The following TBX6 variants were observed in gnomAD, a reference collection of about 807,000 sequenced individuals.
The protein encoded by TBX6 is T-box transcription factor TBX6.
A neutral mutation model predicts 42.3 loss-of-function variants in TBX6; 29 were observed. The ratio of observed to expected loss-of-function variants is 0.69; its 90% CI spans 0.51 to 0.93. The LOEUF (loss-of-function observed/expected upper bound fraction) is 0.93, where lower values mean the gene tolerates loss of function less well. Ranked by LOEUF, TBX6 falls within the 40% of genes least tolerant of loss-of-function variation. The pLI is 0.00. For synonymous variants in TBX6, 249 were observed against 245.1 expected (o/e 1.02, Z -0.15); for missense variants, 569 against 603.3 (o/e 0.94, Z 0.59).
intron 3 of TBX6, among the ~76,000 whole-genome samples, chr16:30,090,201 G>A (rs1480669748): frequency 6.6e-6 from 1 of 152,050 alleles, no homozygotes; most frequent in African/African-American, 2.4e-5. Flanking sequence ...AGATGAATTT[G>A]CTTTAGAAAA....
In TBX6 at chr16:30,089,053, G is replaced by A. The variant is rs776273220; in HGVS notation, c.511C>T (p.Arg171Cys). The A allele has an allele frequency of 6.2e-6, 10 of 1,613,802 alleles. No individual in the cohort carries two copies. In the Admixed American group the frequency reaches 1.0e-4, roughly 16 times the overall value. ...SGKAEPRLPD[R>C]VYIHPDSPAT... ...GGAGAGTCGGGGTGAATGTAGACAC[G>A]GTCAGGCAGGCGGGGCTCTGCCTTG... Residue 171 changes from arginine (R) to cysteine (C), a missense_variant, in exon 4 of 9, where the codon CGT becomes TGT. By Grantham distance (180) the Arg-to-Cys change is radical. This residue lies in a region of TBX6 where 190 missense variants were observed against 250.6 expected (regional missense o/e 0.76). Transcript: ENST00000395224.
Position 30,086,674 on chromosome 16 carries a change from T to A in TBX6, c.935A>T (p.Asp312Val). The A allele has an allele frequency of 6.2e-7, 1 of 1,609,730 alleles. No homozygotes were observed. Reference protein sequence around the residue: ...GSGDTPGGPCDSTLGGDIRES... With the variant: ...GSGDTPGGPCVSTLGGDIRES... ...ACGAATGTCTCCACCCAGGGTGGAG[T>A]CGCAGGGACCACCTGGTGTGTCTGG... The change falls in exon 8 of 9, where the codon GAC (aspartate) becomes GTC (valine). Residue 312 changes from aspartate (D) to valine (V), a missense_variant. This residue lies in a region of TBX6 where 245 missense variants were observed against 227.4 expected (regional missense o/e 1.08). Transcript: ENST00000395224. This position sits in a 1 kb window ranked among gnomAD's most constrained non-coding sequence, Gnocchi z 4.6.
intron 1 of TBX6, 127 bp from the exon 2 acceptor site, chr16:30,091,368 G>C: frequency 1.7e-6 from 1 of 588,056 alleles, no homozygotes; most frequent in Non-Finnish European, 2.9e-6. Context: ...AGGGGTCCGA[G>C]AGGGGGTCGG....
At position 30,091,160 on chromosome 16, in the gene TBX6, C is replaced by A; in HGVS notation, c.34G>T (p.Gly12Trp). The A allele has an allele frequency of 6.3e-7, 1 of 1,593,980 alleles. No homozygotes were observed. Residue 12 changes from glycine (G) to tryptophan (W), a missense_variant, in exon 2 of 9, where the codon GGG becomes TGG. Physicochemically the swap from Gly to Trp is radical, Grantham distance 184. This residue lies in a region of TBX6 where 134 missense variants were observed against 125.3 expected (regional missense o/e 1.07). Coordinates refer to ENST00000395224, the MANE Select transcript of TBX6 (RefSeq NM_004608.4). Reference sequence around the variant, plus strand: ...GCGGGCCCCAGGCGGTAGCCGGCCCCCAGGGACGGGTACAATTCTCGTGGA... The same window carrying A: ...GCGGGCCCCAGGCGGTAGCCGGCCCACAGGGACGGGTACAATTCTCGTGGA... ...YHPRELYPSL[G>W]AGYRLGPAQP...
chr16:30,088,404 C>T lies in TBX6; in HGVS notation c.839+141G>A, dbSNP rs2072671399. Reference sequence around the variant, plus strand: ...AACTGTCCCTGGCACATAGCAGGTACTATATAAGTATTTGCTGAGTCAGTG... The same window carrying T: ...AACTGTCCCTGGCACATAGCAGGTATTATATAAGTATTTGCTGAGTCAGTG... On this transcript the variant is annotated intron_variant, in intron 6 of 8. Coordinates refer to ENST00000395224, the MANE Select transcript of TBX6 (RefSeq NM_004608.4). The surrounding 1 kb of genome is among the most constrained non-coding windows in gnomAD (Gnocchi z 4.1). The T allele has an allele frequency of 9.4e-6, 11 of 1,173,222 alleles. No homozygotes were observed. The South Asian group carries it at 1.4e-4, about 15-fold the overall frequency. The allele number at this position is 1,173,222 out of a possible 1,614,324, so 72.7% of individuals were successfully genotyped here. A position where few individuals can be genotyped will look rare whatever the true frequency, so the allele number is the denominator to read the frequency against.
In TBX6 at chr16:30,086,430, C is replaced by G. The variant is rs1226561253; in HGVS notation, c.1106G>C (p.Ser369Thr). ...APSHLPTRSP[S>T]FPEAPDSGRS... Reference sequence around the variant, plus strand: ...CCCGGAGTCTGGAGCCTCCGGGAAGCTGGGGCTCCTGACATGGAGAGAGGG... The same window carrying G: ...CCCGGAGTCTGGAGCCTCCGGGAAGGTGGGGCTCCTGACATGGAGAGAGGG... Residue 369 changes from serine (S) to threonine (T), a missense_variant, in exon 9 of 9, where the codon AGC (serine) becomes ACC (threonine). By Grantham distance (58) the Ser-to-Thr change is moderately conservative. Around this residue, in one of 3 missense-constraint regions of TBX6, gnomAD observed 245 missense variants for 227.4 expected, o/e 1.08. Coordinates refer to ENST00000395224, the MANE Select transcript of TBX6 (RefSeq NM_004608.4). This position sits in a 1 kb window ranked among gnomAD's most constrained non-coding sequence, Gnocchi z 4.6. The G allele has an allele frequency of 6.6e-7, 1 of 1,516,658 alleles. No homozygotes were observed. The highest frequency in any genetic ancestry group is 2.4e-5 in the East Asian group (1 of 41,394). The allele number at this position is 1,516,658 out of a possible 1,614,324, so 94.0% of individuals were successfully genotyped here.
rs1301726991 is a variant in TBX6, at chr16:30,088,538, C to G, written c.839+7G>C. The G allele has an allele frequency of 6.2e-7, 1 of 1,614,230 alleles. No homozygotes were observed. Among genetic ancestry groups the G allele is most frequent in the South Asian group, 1.1e-5 (1 of 91,086 alleles). On this transcript the variant is annotated splice_region_variant and intron_variant, in intron 6 of 8. Transcript: ENST00000395224. This position sits in a 1 kb window ranked among gnomAD's most constrained non-coding sequence, Gnocchi z 4.1. Reference sequence around the variant, plus strand: ...AATGCATGAACAAATGAATGAACAACTCCCACCTCTTACAGTTTCTGCCGT... The same window carrying G: ...AATGCATGAACAAATGAATGAACAAGTCCCACCTCTTACAGTTTCTGCCGT...
chr16:30,088,727 G>A lies in TBX6; in HGVS notation c.734C>T (p.Thr245Ile). 1 of 1,614,138 alleles carries A rather than the reference G, an allele frequency of 6.2e-7. No homozygotes were observed. The highest frequency in any genetic ancestry group is 8.5e-7 in the Non-Finnish European group (1 of 1,179,988). ...GMASFRFPET[T>I]FISVTAYQNP... ...CTGGTAGGCTGTCACGGAGATGAAT[G>A]TGGTCTCGGGGAAGCGGAAGGAGGC... Residue 245 changes from threonine to isoleucine, a missense_variant, in exon 5 of 9, where the codon ACA becomes ATA. This residue lies in a region of TBX6 where 190 missense variants were observed against 250.6 expected (regional missense o/e 0.76). Transcript: ENST00000395224. The surrounding 1 kb of genome is among the most constrained non-coding windows in gnomAD (Gnocchi z 4.1).
At chr16:30,091,342 A>T (rs2072721718) in intron 1 of TBX6, 101 bp from the exon 2 acceptor site, 1 of 682,200 alleles carries the variant, frequency 1.5e-6, no homozygotes, top group Non-Finnish European at 2.4e-6. Context: ...TGGGGTGGAG[A>T]CCCCTGGGGC....
chr16:30,091,052 C>T (rs1327352793), intron 2 of TBX6, 24 bp downstream of exon 2: 2 of 1,589,368 alleles, frequency 1.3e-6, no homozygotes, highest in South Asian at 2.3e-5. Flanking sequence ...ATTCTCCTAC[C>T]CAGGAGCTGG....
chr16:30,089,426 G>T (rs2072690507), intron 3 of TBX6, among the ~76,000 whole-genome samples: 1 of 152,084 alleles, frequency 6.6e-6, no homozygotes, highest in Admixed American at 6.5e-5. Context: ...CTTGAGTCAG[G>T]AATTCAAGAC....
In TBX6 at chr16:30,091,080, G is replaced by T. The variant is rs761649393; in HGVS notation, c.114C>A (p.Tyr38Ter). The change falls in exon 2 of 9, where the codon TAC becomes TAA. Residue 38 changes from tyrosine (Y) to a stop codon, truncating the protein, a stop_gained. Coordinates refer to ENST00000395224, the MANE Select transcript of TBX6 (RefSeq NM_004608.4). LOFTEE classifies it high-confidence loss of function. ...GGAGCTGGTCCCAACGCTCACCGGGGTAGCGGTAGCCCTCCGCTAGGGCGG... is the reference window on the plus strand; with the variant it reads ...GGAGCTGGTCCCAACGCTCACCGGGTTAGCGGTAGCCCTCCGCTAGGGCGG... ...FPPALAEGYR[Y>*]PELDTPKLDC... 4 of 1,584,210 alleles carry T rather than the reference G, an allele frequency of 2.5e-6. No homozygotes were observed. Among genetic ancestry groups the T allele is most frequent in the Non-Finnish European group, 3.4e-6 (4 of 1,165,482 alleles).
At chr16:30,090,501 C>T (rs1002804925) in intron 3 of TBX6, among the ~76,000 whole-genome samples, 1 of 152,148 alleles carries the variant, frequency 6.6e-6, no homozygotes, top group African/African-American at 2.4e-5. Context: ...GACCCTGCCC[C>T]AGACTGACCC....
chr16:30,086,328 G>GGTGGAGCCGCTGGGTAC lies in TBX6; in HGVS notation c.1191_1207dup (p.Pro403ArgfsTer101). ...AAAGTGCGGGGCAAAGGGTACCGCCGGTGGAGCCGCTGGGTACCCGGAGCC... is the reference window on the plus strand; with the variant it reads ...AAAGTGCGGGGCAAAGGGTACCGCCGGTGGAGCCGCTGGGTACGTGGAGCCGCTGGGTACCCGGAGCC... On this transcript the variant is annotated frameshift_variant, in exon 9 of 9. Transcript: ENST00000395224. LOFTEE classifies it high-confidence loss of function. This position sits in a 1 kb window ranked among gnomAD's most constrained non-coding sequence, Gnocchi z 4.6. The GGTGGAGCCGCTGGGTAC allele has an allele frequency of 1.2e-6, 2 of 1,606,554 alleles. No individual in the cohort carries two copies. Among genetic ancestry groups the GGTGGAGCCGCTGGGTAC allele is most frequent in the Non-Finnish European group, 1.7e-6 (2 of 1,177,864 alleles).
Position 30,090,856 on chromosome 16 carries a change from G to A in TBX6, c.255C>T (p.Leu85=). The change falls in exon 3 of 9, where the codon CTC becomes CTT. Residue 85 remains leucine, a synonymous_variant. Transcript: ENST00000395224. The part of the protein sequence containing the change: ...TEPAPSAPEA[L]HSLPGVSLSL... ...TCAGGCTGACCCCCGGGAGGGAATG[G>A]AGGGCCTCTGGAGCTGATGGGGCCG... The A allele has an allele frequency of 6.2e-7, 1 of 1,606,060 alleles. No homozygotes were observed. Among genetic ancestry groups the A allele is most frequent in the Non-Finnish European group, 8.5e-7 (1 of 1,175,244 alleles).
chr16:30,086,533 G>T lies in TBX6; in HGVS notation c.1076C>A (p.Ala359Asp), dbSNP rs1345762438. The T allele has an allele frequency of 6.6e-7, 1 of 1,514,718 alleles. No homozygotes were observed. The highest frequency in any genetic ancestry group is 8.8e-7 in the Non-Finnish European group (1 of 1,134,906). The allele number at this position is 1,514,718 out of a possible 1,614,324, so 93.8% of individuals were successfully genotyped here. A position where few individuals can be genotyped will look rare whatever the true frequency, so the allele number is the denominator to read the frequency against. ...TCACCTGGTGGGAAGGTGACTGGGG[G>T]CCCCATGGAAAGCCGCAGGGTGCAG... ...YLLHPAAFHG[A>D]PSHLPTRSPS... The change falls in exon 8 of 9, where the codon GCC (alanine) becomes GAC (aspartate). Residue 359 changes from alanine to aspartate, a missense_variant. Physicochemically the swap from Ala to Asp is moderately radical, Grantham distance 126 (BLOSUM62 -2). Coordinates refer to ENST00000395224, the MANE Select transcript of TBX6 (RefSeq NM_004608.4). The surrounding 1 kb of genome is among the most constrained non-coding windows in gnomAD (Gnocchi z 4.6).
Position 30,086,040 on chromosome 16 carries a change from T to A in TBX6, c.*185A>T, listed in dbSNP as rs1473850096. On this transcript the variant is annotated 3_prime_UTR_variant, in exon 9 of 9. Transcript: ENST00000395224. The surrounding 1 kb of genome is among the most constrained non-coding windows in gnomAD (Gnocchi z 4.6). ...GGCCCCAGCTGGACTCCCAGCAGCC[T>A]TGGTTAGGCTTTGAAGCCAGAGGGG... is the stretch of plus-strand genomic sequence containing the variant. 3.4e-6 allele frequency: 2 copies of A among 582,886 alleles called. No homozygotes were observed. The highest frequency in any genetic ancestry group is 3.7e-5 in the Admixed American group (1 of 27,250). The allele number at this position is 582,886 out of a possible 1,614,324, so 36.1% of individuals were successfully genotyped here.
chr16:30,090,471 A>G (rs989990497), intron 3 of TBX6, among the ~76,000 whole-genome samples: 2 of 151,978 alleles, frequency 1.3e-5, no homozygotes, highest in African/African-American at 4.8e-5. Flanking sequence ...ACACTAACCT[A>G]TAACCCAGAG....
chr16:30,091,526 C>G, intron 1 of TBX6: 1 of 236,464 alleles, frequency 4.2e-6, no homozygotes, highest in Non-Finnish European at 8.4e-6. Context: ...CGCTTCCGGC[C>G]AGCTGGTCCC....
Sources: allele counts gnomAD v4.1 joint callset (sites outside exome capture counted in the v4.1 genomes callset), GRCh38; gene constraint gnomAD v4.1.1; regional missense constraint gnomAD v4.1.1; non-coding constraint Gnocchi (gnomAD v3.1); transcripts MANE v1.5; gene names NCBI Gene and HGNC (gene_info 2026-07-23, HGNC 2026-07-21).